Variants in FAM81A observed in about 807,000 individuals in gnomAD.
The protein encoded by FAM81A is family with sequence similarity 81 member A.
FAM81A carries 19 observed loss-of-function variants against 46.7 expected under a neutral mutation model. The observed-to-expected ratio is 0.41, with a 90% CI of 0.28 to 0.60. The LOEUF (loss-of-function observed/expected upper bound fraction) is 0.60, where lower values mean the gene tolerates loss of function less well. FAM81A is among the 20% of genes least tolerant of loss of function. The probability of loss-of-function intolerance (pLI) is 0.34; values close to 1 mark genes in which losing one functional copy is unlikely to be tolerated. For synonymous variants in FAM81A, 183 were observed against 152.9 expected (o/e 1.20, Z -1.45); for missense variants, 377 against 453.5 (o/e 0.83, Z 1.53).
At position 59,523,479 on chromosome 15, in the gene FAM81A, C is replaced by G. The variant is rs1266601802; in HGVS notation, c.*2101C>G. ...GTGCAGTTCTCTTCTCACCAAAGCT[C>G]AAATGAGAATCAGCTTCCATGTTCT... On this transcript the variant is annotated 3_prime_UTR_variant, in exon 9 of 9. Coordinates refer to ENST00000288228, the MANE Select transcript of FAM81A (RefSeq NM_152450.3). 1 of 152,230 alleles carries G rather than the reference C, an allele frequency of 6.6e-6. No homozygotes were observed. The highest frequency in any genetic ancestry group is 1.5e-5 in the Non-Finnish European group (1 of 68,042). The allele number at this position is 152,230 out of a possible 1,614,324, so 9.4% of individuals were successfully genotyped here.
intron 1 of FAM81A, among the ~76,000 whole-genome samples, chr15:59,400,184 C>T (rs979203498): frequency 3.9e-5 from 6 of 152,102 alleles, no homozygotes; most frequent in Non-Finnish European, 7.3e-5. Context: ...TCTTGCCCCC[C>T]AATTCATTCC....
At chr15:59,489,966 T>C (rs1368826056) in intron 3 of FAM81A, among the ~76,000 whole-genome samples, 5 of 152,188 alleles carry the variant, frequency 3.3e-5, no homozygotes, top group African/African-American at 1.2e-4. Flanking sequence ...CTGGGCTTAA[T>C]GTACAGAATC....
chr15:59,468,354 G>C (rs1404466041), intron 3 of FAM81A, among the ~76,000 whole-genome samples: 1 of 152,026 alleles, frequency 6.6e-6, no homozygotes, highest in Non-Finnish European at 1.5e-5. Context: ...TTTTTTGACT[G>C]GTGGCCTATT....
chr15:59,505,882 T>C (rs191163135), intron 4 of FAM81A, among the ~76,000 whole-genome samples: 1 of 152,212 alleles, frequency 6.6e-6, no homozygotes, highest in African/African-American at 2.4e-5. Flanking sequence ...AATCCTCCAG[T>C]TTTTTTCCTA....
At chr15:59,489,770 C>T (rs2081962590) in intron 3 of FAM81A, among the ~76,000 whole-genome samples, 2 of 152,058 alleles carry the variant, frequency 1.3e-5, no homozygotes, top group South Asian at 4.1e-4. Flanking sequence ...CAGTAAAATC[C>T]TTTTTGAAAA....
chr15:59,417,736 TA>T (rs1231618916), intron 2 of FAM81A, among the ~76,000 whole-genome samples: 3 of 151,980 alleles, frequency 2.0e-5, no homozygotes, highest in African/African-American at 7.3e-5. Context: ...CATAAATAAA[TA>T]AAAATAAAAA....
At chr15:59,414,444 A>G (rs141785368) in intron 2 of FAM81A, among the ~76,000 whole-genome samples, 137 of 152,342 alleles carry the variant, frequency 9.0e-4, no homozygotes, top group African/African-American at 3.1e-3. Flanking sequence ...CCCCAAAACC[A>G]GTGGGATTTA....
In FAM81A at chr15:59,460,482, T is replaced by C. The variant is rs1385844512; in HGVS notation, c.294+276T>C. On this transcript the variant is annotated intron_variant, in intron 3 of 8. Coordinates refer to ENST00000288228, the MANE Select transcript of FAM81A (RefSeq NM_152450.3). This position sits in a 1 kb window ranked among gnomAD's most constrained non-coding sequence, Gnocchi z 4.4. ...TGATTTTATTTTGTTTGGCTCTTAA[T>C]GAAGAGAGAGAAGAACTAGTCGAAT... The C allele has an allele frequency of 2.0e-6, 1 of 496,176 alleles. No homozygotes were observed. The highest frequency in any genetic ancestry group is 3.1e-5 in the Admixed American group (1 of 32,510). The allele number at this position is 496,176 out of a possible 1,614,324, so 30.7% of individuals were successfully genotyped here.
chr15:59,467,716 A>G (rs985642423), intron 3 of FAM81A, among the ~76,000 whole-genome samples: 34 of 152,168 alleles, frequency 2.2e-4, no homozygotes, highest in African/African-American at 7.7e-4. Context: ...CTTTTGCCTG[A>G]TTGCCCTGGC....
At chr15:59,456,851 A>G (rs1384853587) in intron 1 of FAM81A, among the ~76,000 whole-genome samples, 1 of 152,168 alleles carries the variant, frequency 6.6e-6, no homozygotes, top group African/African-American at 2.4e-5. Context: ...GGCCTCCCAA[A>G]GTGCTGGGAT....
chr15:59,507,715 C>G (rs1447485862), intron 5 of FAM81A, among the ~76,000 whole-genome samples: 5 of 152,156 alleles, frequency 3.3e-5, no homozygotes, highest in African/African-American at 1.2e-4. Flanking sequence ...TAATGTATTC[C>G]CTGGGACTCA....
chr15:59,469,486 A>G (rs149756036), intron 3 of FAM81A, among the ~76,000 whole-genome samples: 4,830 of 149,932 alleles, frequency 0.032, 110 homozygotes, highest in South Asian at 0.049. Flanking sequence ...GTCTCTTTTG[A>G]TCTTTGTTGG....
At chr15:59,508,829 GA>G in intron 5 of FAM81A, 33 bp from the exon 6 acceptor site, 1 of 1,543,314 alleles carries the variant, frequency 6.5e-7, no homozygotes, top group Non-Finnish European at 8.9e-7. Context: ...GAAGACGTTA[GA>G]TGTGATATTT....
rs1372329789 is a variant in FAM81A at position 59,514,348 on chromosome 15, A to G, written c.710A>G (p.Gln237Arg). The G allele has an allele frequency of 6.2e-7, 1 of 1,613,880 alleles. No individual in the cohort carries two copies. The highest frequency in any genetic ancestry group is 8.5e-7 in the Non-Finnish European group (1 of 1,179,832). The change falls in exon 7 of 9, where the codon CAA becomes CGA. Residue 237 changes from glutamine (Q) to arginine (R), a missense_variant. Gln to Arg is a conservative substitution (Grantham distance 43). Transcript: ENST00000288228. ...ATATTATCTGCACGGAGTTGGTTGC[A>G]ACAGGAACAAGAACGGATAGAAAAA... ...NQILSARSWL[Q>R]QEQERIEKEL... is the part of the protein sequence containing the mutation.
At chr15:59,400,769 C>G (rs2081066798) in intron 1 of FAM81A, among the ~76,000 whole-genome samples, 1 of 152,186 alleles carries the variant, frequency 6.6e-6, no homozygotes, top group African/African-American at 2.4e-5. Flanking sequence ...GTGCCGGTTG[C>G]TTTCATGGGG....
At chr15:59,499,389 C>T (rs984821252) in intron 4 of FAM81A, among the ~76,000 whole-genome samples, 8 of 152,092 alleles carry the variant, frequency 5.3e-5, no homozygotes, top group Non-Finnish European at 8.8e-5. Flanking sequence ...TGTAACAATA[C>T]AATTGTATGC....
At chr15:59,401,686 C>A (rs1315291273) in intron 1 of FAM81A, 1 of 792,168 alleles carries the variant, frequency 1.3e-6, no homozygotes, top group African/African-American at 1.7e-5. Flanking sequence ...TCTGTTTGAT[C>A]ATACTGGAAA....
chr15:59,465,251 C>G (rs2081598531), intron 3 of FAM81A, among the ~76,000 whole-genome samples: 2 of 152,172 alleles, frequency 1.3e-5, no homozygotes, highest in African/African-American at 4.8e-5. Context: ...TAGTGTGATG[C>G]CTCTGGCTTT....
intron 3 of FAM81A, among the ~76,000 whole-genome samples, chr15:59,479,940 A>G (rs186017187): frequency 3.3e-5 from 5 of 152,226 alleles, no homozygotes; most frequent in African/African-American, 7.2e-5. Flanking sequence ...TTTATGTTTG[A>G]AAAAGATCAC....
Sources: allele counts gnomAD v4.1 joint callset (sites outside exome capture counted in the v4.1 genomes callset), GRCh38; gene constraint gnomAD v4.1.1; non-coding constraint Gnocchi (gnomAD v3.1); transcripts MANE v1.5; gene names NCBI Gene and HGNC (gene_info 2026-07-23, HGNC 2026-07-21).